Variants in DCUN1D5 observed in about 807,000 individuals in gnomAD.
DCUN1D5 encodes the protein DCN1-like protein 5.
A neutral mutation model predicts 38.3 loss-of-function variants in DCUN1D5; 10 were observed. That is an observed-to-expected ratio of 0.26 (90% CI 0.16 to 0.44). The LOEUF is 0.44. Ranked by LOEUF, DCUN1D5 falls within the 20% of genes least tolerant of loss-of-function variation. The pLI is 1.00. For missense variants in DCUN1D5, 148 were observed against 275.3 expected, an observed-to-expected ratio of 0.54 and a Z score of 3.27; for synonymous variants, 93 against 90.9, an observed-to-expected ratio of 1.02 and a Z score of -0.13.
At chr11:103,068,995 T>C (rs1026484781) in intron 4 of DCUN1D5, among the ~76,000 whole-genome samples, 1 of 152,170 alleles carries the variant, frequency 6.6e-6, no homozygotes, top group Non-Finnish European at 1.5e-5. Flanking sequence ...AGAGTGGAAC[T>C]GGAGAAAATA....
chr11:103,082,887 T>C (rs1237492106), intron 3 of DCUN1D5, 48 bp from the exon 4 acceptor site: 10 of 1,404,158 alleles, frequency 7.1e-6, no homozygotes, highest in Non-Finnish European at 9.1e-6. Context: ...AGCATAGAGA[T>C]AATCATGTCT....
At position 103,064,417 on chromosome 11, in the gene DCUN1D5, A is replaced by G; in HGVS notation, c.556-40T>C. On this transcript the variant is annotated intron_variant, in intron 6 of 7. Transcript: ENST00000260247. This position sits in a 1 kb window ranked among gnomAD's most constrained non-coding sequence, Gnocchi z 4.5. Reference sequence around the variant, plus strand: ...TAAATATTTGTATTTAAATATTTAAACAAACATCATTTACTCAATTTAGTA... The same window carrying G: ...TAAATATTTGTATTTAAATATTTAAGCAAACATCATTTACTCAATTTAGTA... 1 of 1,461,960 alleles carries G rather than the reference A, an allele frequency of 6.8e-7. No homozygotes were observed. Among genetic ancestry groups the G allele is most frequent in the Non-Finnish European group, 9.3e-7 (1 of 1,074,652 alleles). 90.6% of individuals were successfully genotyped at this position (1,461,960 alleles called of 1,614,324 possible).
Position 103,086,726 on chromosome 11 carries a change from C to G in DCUN1D5, c.178+2501G>C, listed in dbSNP as rs950350049. On this transcript the variant is annotated intron_variant, in intron 2 of 7. Coordinates refer to ENST00000260247, the MANE Select transcript of DCUN1D5 (RefSeq NM_032299.4). This position sits in a 1 kb window ranked among gnomAD's most constrained non-coding sequence, Gnocchi z 4.1. ...TATATATCCAGCACTCAGCACAGTG[C>G]CTGACTCAAAACAAGTGCTCAATAT... Among the ~76,000 whole-genome samples, 8 of 152,032 alleles carry G rather than the reference C, an allele frequency of 5.3e-5. No homozygotes were observed. The highest frequency in any genetic ancestry group is 1.2e-4 in the Non-Finnish European group (8 of 68,008).
rs1385132957 is a variant in DCUN1D5 at position 103,078,228 on chromosome 11, A to G, written c.341+4520T>C. On this transcript the variant is annotated intron_variant, in intron 4 of 7. Transcript: ENST00000260247. This position sits in a 1 kb window ranked among gnomAD's most constrained non-coding sequence, Gnocchi z 4.6. Reference sequence around the variant, plus strand: ...AGTACGGTCCTCTTCAAAGGTCTATATTCAGTTTTCTCCACTGGTATAGTA... The same window carrying G: ...AGTACGGTCCTCTTCAAAGGTCTATGTTCAGTTTTCTCCACTGGTATAGTA... Among the ~76,000 whole-genome samples, 1 of 152,168 alleles carries G rather than the reference A, an allele frequency of 6.6e-6. No individual in the cohort carries two copies. The highest frequency in any genetic ancestry group is 2.4e-5 in the African/African-American group (1 of 41,434).
intron 1 of DCUN1D5, among the ~76,000 whole-genome samples, chr11:103,090,506 T>C (rs1421254175): frequency 2.0e-5 from 3 of 152,248 alleles, no homozygotes; most frequent in East Asian, 1.9e-4. Flanking sequence ...AGCTCTATCA[T>C]TATTTCCTTC....
At chr11:103,085,290 T>C (rs1268812274) in intron 2 of DCUN1D5, among the ~76,000 whole-genome samples, 2 of 152,058 alleles carry the variant, frequency 1.3e-5, no homozygotes, top group Non-Finnish European at 2.9e-5. Context: ...CTACAAAAAT[T>C]AGCCAGACGT....
At position 103,086,270 on chromosome 11, in the gene DCUN1D5, C is replaced by A. The variant is rs547102391; in HGVS notation, c.179-2944G>T. Among the ~76,000 whole-genome samples the A allele has an allele frequency of 6.6e-6, 1 of 152,252 alleles. No homozygotes were observed. Among genetic ancestry groups the A allele is most frequent in the African/African-American group, 2.4e-5 (1 of 41,536 alleles). ...TTGGAACACTGTAAAAAACACACAACCAGTAAATCTGATGCTGTAATGCTA... is the reference window on the plus strand; with the variant it reads ...TTGGAACACTGTAAAAAACACACAAACAGTAAATCTGATGCTGTAATGCTA... On this transcript the variant is annotated intron_variant, in intron 2 of 7. Coordinates refer to ENST00000260247, the MANE Select transcript of DCUN1D5 (RefSeq NM_032299.4). This position sits in a 1 kb window ranked among gnomAD's most constrained non-coding sequence, Gnocchi z 4.1.
In DCUN1D5 at chr11:103,066,239, T is replaced by A. The variant is rs1862131911; in HGVS notation, c.555+30A>T. ...ACTTTCAGATTAAGTTTTAAAATAA[T>A]ATTTTCAAAATTCGAAAAAACATAC... is the stretch of plus-strand genomic sequence containing the variant. On this transcript the variant is annotated intron_variant, in intron 6 of 7. Coordinates refer to ENST00000260247, the MANE Select transcript of DCUN1D5 (RefSeq NM_032299.4). This position sits in a 1 kb window ranked among gnomAD's most constrained non-coding sequence, Gnocchi z 4.7. 7.3e-7 allele frequency: 1 copy of A among 1,363,076 alleles called. No individual in the cohort carries two copies. Among genetic ancestry groups the A allele is most frequent in the Non-Finnish European group, 1.0e-6 (1 of 989,740 alleles). The allele number at this position is 1,363,076 out of a possible 1,614,324, so 84.4% of individuals were successfully genotyped here. A position where few individuals can be genotyped will look rare whatever the true frequency, so the allele number is the denominator to read the frequency against.
At position 103,078,615 on chromosome 11, in the gene DCUN1D5, C is replaced by T. The variant is rs1335809413; in HGVS notation, c.341+4133G>A. On this transcript the variant is annotated intron_variant, in intron 4 of 7. Coordinates refer to ENST00000260247, the MANE Select transcript of DCUN1D5 (RefSeq NM_032299.4). This position sits in a 1 kb window ranked among gnomAD's most constrained non-coding sequence, Gnocchi z 4.6. The stretch of plus-strand genomic sequence containing the variant: ...GTAACATAGATTTAAACTCTCTCAA[C>T]GTATTAGCTAAAGCACTCTACAGTG... Among the ~76,000 whole-genome samples, 3 of 152,190 alleles carry T rather than the reference C, an allele frequency of 2.0e-5. No homozygotes were observed. Among genetic ancestry groups the T allele is most frequent in the Non-Finnish European group, 2.9e-5 (2 of 68,040 alleles).
At position 103,086,396 on chromosome 11, in the gene DCUN1D5, TCATTTTAATACGGA is replaced by T. The variant is rs1206271876; in HGVS notation, c.178+2817_178+2830del. ...TTCTCAGTAGGCAAAATTATTGGCT[TCATTTTAATACGGA>T]CATACCCATTTCAAGACAGAACAGT... On this transcript the variant is annotated intron_variant, in intron 2 of 7. Transcript: ENST00000260247. This position sits in a 1 kb window ranked among gnomAD's most constrained non-coding sequence, Gnocchi z 4.1. Among the ~76,000 whole-genome samples, 1 of 152,190 alleles carries T rather than the reference TCATTTTAATACGGA, an allele frequency of 6.6e-6. No individual in the cohort carries two copies. The highest frequency in any genetic ancestry group is 6.5e-5 in the Admixed American group (1 of 15,290).
At chr11:103,068,036 A>T (rs1862176737) in intron 4 of DCUN1D5, among the ~76,000 whole-genome samples, 1 of 152,180 alleles carries the variant, frequency 6.6e-6, no homozygotes, top group African/African-American at 2.4e-5. Context: ...AGGGCCATTC[A>T]GATTTTCTAT....
rs909069905 is a variant in DCUN1D5, at chr11:103,059,951, T to C, written c.*2408A>G. 3.3e-5 allele frequency among the ~76,000 whole-genome samples: 5 copies of C among 152,102 alleles called. No individual in the cohort carries two copies. Among genetic ancestry groups the C allele is most frequent in the African/African-American group, 1.2e-4 (5 of 41,432 alleles). ...TGGGAAGGCACTTAAAGCTAACTAG[T>C]CAAAAAAGGAACCACAACAGTTAGA... On this transcript the variant is annotated 3_prime_UTR_variant, in exon 8 of 8. Coordinates refer to ENST00000260247, the MANE Select transcript of DCUN1D5 (RefSeq NM_032299.4).
chr11:103,072,088 A>G (rs1862285859), intron 4 of DCUN1D5, among the ~76,000 whole-genome samples: 1 of 152,054 alleles, frequency 6.6e-6, no homozygotes, highest in Admixed American at 6.5e-5. Context: ...GTAGAGCATA[A>G]ATAAGTAACT....
rs1379053303 is a variant in DCUN1D5, at chr11:103,091,987, G to C, written c.-115C>G. On this transcript the variant is annotated 5_prime_UTR_variant, in exon 1 of 8. Coordinates refer to ENST00000260247, the MANE Select transcript of DCUN1D5 (RefSeq NM_032299.4). The surrounding 1 kb of genome is among the most constrained non-coding windows in gnomAD (Gnocchi z 4.3). ...AGAGACAGCAGCAAGCGGAGGAGCA[G>C]AGTCGCCAGCCCGCACCGGCGCGGC... The C allele has an allele frequency of 1.0e-6, 1 of 989,826 alleles. No homozygotes were observed. The highest frequency in any genetic ancestry group is 1.6e-5 in the African/African-American group (1 of 60,694). The allele number at this position is 989,826 out of a possible 1,614,324, so 61.3% of individuals were successfully genotyped here.
intron 4 of DCUN1D5, among the ~76,000 whole-genome samples, chr11:103,075,964 T>C (rs1862397915): frequency 6.6e-6 from 1 of 152,220 alleles, no homozygotes; most frequent in Non-Finnish European, 1.5e-5. Flanking sequence ...ACTTCTACCA[T>C]GGGGATATGC....
In DCUN1D5 at chr11:103,091,945, G is replaced by A. The variant is rs1862884073; in HGVS notation, c.-73C>T. ...CCCTGTCCGCTGGAAGCCCCTCAGC[G>A]CTGGCACCCAGTTCCCAGAGACAGC... On this transcript the variant is annotated 5_prime_UTR_variant, in exon 1 of 8. Transcript: ENST00000260247. The surrounding 1 kb of genome is among the most constrained non-coding windows in gnomAD (Gnocchi z 4.3). 7.1e-7 allele frequency: 1 copy of A among 1,409,552 alleles called. No individual in the cohort carries two copies. The allele number at this position is 1,409,552 out of a possible 1,614,324, so 87.3% of individuals were successfully genotyped here. A position where few individuals can be genotyped will look rare whatever the true frequency, so the allele number is the denominator to read the frequency against.
intron 4 of DCUN1D5, among the ~76,000 whole-genome samples, chr11:103,072,418 C>A (rs1035819063): frequency 6.8e-6 from 1 of 147,776 alleles, no homozygotes; most frequent in African/African-American, 2.5e-5. Context: ...TGGGCATATA[C>A]CCAAAGGATT....
In DCUN1D5 at chr11:103,054,200, ACT is replaced by A. The variant is rs1203326558; in HGVS notation, c.*8157_*8158del. 6.6e-6 allele frequency: 1 copy of A among 151,936 alleles called. No individual in the cohort carries two copies. The highest frequency in any genetic ancestry group is 6.6e-5 in the Admixed American group (1 of 15,230). The allele number at this position is 151,936 out of a possible 1,614,324, so 9.4% of individuals were successfully genotyped here. ...ATGACTAAAAAAGGCTTGACCTCCC[ACT>A]CTCTATGGCTGCCAATAACTGCTCT... On this transcript the variant is annotated 3_prime_UTR_variant, in exon 8 of 8. Coordinates refer to ENST00000260247, the MANE Select transcript of DCUN1D5 (RefSeq NM_032299.4).
In DCUN1D5 at chr11:103,058,720, AG is replaced by A. The variant is rs202022561; in HGVS notation, c.*3638del. On this transcript the variant is annotated 3_prime_UTR_variant, in exon 8 of 8. Coordinates refer to ENST00000260247, the MANE Select transcript of DCUN1D5 (RefSeq NM_032299.4). ...TAATTCAGACTAGCCTTTCCTATTGAGGAAGTTAATGAAATTGTTATTCCTC... is the reference window on the plus strand; with the variant it reads ...TAATTCAGACTAGCCTTTCCTATTGAGAAGTTAATGAAATTGTTATTCCTC... Among the ~76,000 whole-genome samples, 2 of 152,022 alleles carry A rather than the reference AG, an allele frequency of 1.3e-5. No homozygotes were observed. Among genetic ancestry groups the A allele is most frequent in the East Asian group, 3.9e-4 (2 of 5,194 alleles).
Sources: allele counts gnomAD v4.1 joint callset (sites outside exome capture counted in the v4.1 genomes callset), GRCh38; gene constraint gnomAD v4.1.1; non-coding constraint Gnocchi (gnomAD v3.1); transcripts MANE v1.5; gene names NCBI Gene and HGNC (gene_info 2026-07-23, HGNC 2026-07-21).